The following CSMD1 variants were observed in gnomAD, a reference collection of about 807,000 sequenced individuals.
The protein encoded by CSMD1 is CUB and Sushi multiple domains 1.
In CSMD1, 213 loss-of-function variants were observed where a neutral mutation model predicts 417.5. That is an observed-to-expected ratio of 0.51 (90% CI 0.46 to 0.57). The LOEUF (loss-of-function observed/expected upper bound fraction) is 0.57, where lower values mean the gene tolerates loss of function less well. Among genes scored for constraint, CSMD1 ranks in the 20% least tolerant of loss-of-function variants. The pLI, the probability that CSMD1 is intolerant of heterozygous loss-of-function variation, is 0.00. For missense variants in CSMD1, 6,923 were observed against 4,529.7 expected (o/e 1.53, Z -15.17); for synonymous variants, 2,862 against 1,736.8 (o/e 1.65, Z -16.11).
intron 1 of CSMD1, among the ~76,000 whole-genome samples, chr8:4,731,590 G>A (rs940260360): frequency 2.0e-5 from 3 of 152,102 alleles, no homozygotes; most frequent in African/African-American, 7.2e-5. Context: ...GGAGTGTGAG[G>A]AATAAAACTG....
chr8:2,963,394 G>T lies in CSMD1; in HGVS notation c.9282C>A (p.Ala3094=). Residue 3094 remains alanine (A), a splice_region_variant and synonymous_variant, in exon 60 of 70, where the codon GCC becomes GCA. Coordinates refer to ENST00000635120, the MANE Select transcript of CSMD1 (RefSeq NM_033225.6). ...CCGGCGGCGGCTGAGGACACAGCAC[G>T]GCTATTTCCAAAGAACAAACAAGAT... ...RWNPSKPVCK[A]VLCPQPPPVQ... is the part of the protein sequence containing the mutation. 1 of 1,613,286 alleles carries T rather than the reference G, an allele frequency of 6.2e-7. No individual in the cohort carries two copies. The highest frequency in any genetic ancestry group is 8.5e-7 in the Non-Finnish European group (1 of 1,179,360).
chr8:3,190,935 G>C (rs1248250562), intron 33 of CSMD1, among the ~76,000 whole-genome samples: 2 of 152,314 alleles, frequency 1.3e-5, no homozygotes, highest in Admixed American at 6.5e-5. Context: ...TAGAACCAGA[G>C]AGATTTACAA....
chr8:4,395,555 A>T (rs147075117), intron 3 of CSMD1, among the ~76,000 whole-genome samples: 37 of 152,080 alleles, frequency 2.4e-4, no homozygotes, highest in African/African-American at 8.7e-4. Flanking sequence ...TCGTGGAGCT[A>T]TAACTATCTG....
intron 3 of CSMD1, among the ~76,000 whole-genome samples, chr8:4,385,911 A>G (rs778639767): frequency 6.6e-6 from 1 of 152,216 alleles, no homozygotes; most frequent in African/African-American, 2.4e-5. Context: ...CCAGTTCTCC[A>G]GGAATTCCAG....
intron 39 of CSMD1, among the ~76,000 whole-genome samples, chr8:3,157,149 G>C (rs1392821177): frequency 6.6e-6 from 1 of 152,122 alleles, no homozygotes; most frequent in African/African-American, 2.4e-5. Flanking sequence ...GTACCTGCAA[G>C]GTTGAATGGT....
At chr8:3,918,288 C>A (rs1197643628) in intron 5 of CSMD1, among the ~76,000 whole-genome samples, 1 of 151,964 alleles carries the variant, frequency 6.6e-6, no homozygotes, top group Admixed American at 6.6e-5. Flanking sequence ...AAACTCTTTT[C>A]ATAAGGACTG....
chr8:3,985,357 T>C (rs908100273), intron 5 of CSMD1, among the ~76,000 whole-genome samples: 3 of 152,212 alleles, frequency 2.0e-5, no homozygotes, highest in Non-Finnish European at 2.9e-5. Context: ...GATTGCATTG[T>C]TTTGTTTTCC....
chr8:4,806,301 A>C (rs1352457870), intron 1 of CSMD1, among the ~76,000 whole-genome samples: 1 of 152,138 alleles, frequency 6.6e-6, no homozygotes, highest in Non-Finnish European at 1.5e-5. Flanking sequence ...CACCCTAGGA[A>C]GGTGGCCTAG....
Position 4,740,043 on chromosome 8 carries a change from C to G in CSMD1, c.86-102485G>C, listed in dbSNP as rs192159831. Among the ~76,000 whole-genome samples, 892 of 152,156 alleles carry G rather than the reference C, an allele frequency of 5.9e-3. 12 individuals are homozygous for G. Among genetic ancestry groups the G allele is most frequent in the African/African-American group, 0.02 (847 of 41,524 alleles). On this transcript the variant is annotated intron_variant, in intron 1 of 69. Coordinates refer to ENST00000635120, the MANE Select transcript of CSMD1 (RefSeq NM_033225.6). Reference sequence around the variant, plus strand: ...TCAGCATCCTGGCAGAGGAATGCCACAGCTCTGGGAATGATCTCTGAGAAC... The same window carrying G: ...TCAGCATCCTGGCAGAGGAATGCCAGAGCTCTGGGAATGATCTCTGAGAAC...
intron 7 of CSMD1, among the ~76,000 whole-genome samples, chr8:3,672,376 A>G (rs1799120141): frequency 6.6e-6 from 1 of 151,788 alleles, no homozygotes. Context: ...TTTAGAACCC[A>G]CTCTTGCATT....
intron 1 of CSMD1, among the ~76,000 whole-genome samples, chr8:4,811,673 T>C (rs191992795): frequency 1.3e-3 from 201 of 152,258 alleles, no homozygotes; most frequent in Non-Finnish European, 2.6e-3. Context: ...AAATGATTTC[T>C]ATTGGCTCAT....
intron 7 of CSMD1, among the ~76,000 whole-genome samples, chr8:3,655,835 A>C (rs1798073233): frequency 1.3e-5 from 2 of 152,172 alleles, no homozygotes; most frequent in African/African-American, 4.8e-5. Context: ...ACTGATGCAA[A>C]GACTAGTTGA....
At chr8:3,411,472 G>A (rs1812696242) in intron 12 of CSMD1, among the ~76,000 whole-genome samples, 1 of 151,648 alleles carries the variant, frequency 6.6e-6, no homozygotes, top group Admixed American at 6.6e-5. Context: ...AGTCCCCAAG[G>A]TCCATTTTAT....
chr8:4,144,664 C>T (rs1455545638), intron 3 of CSMD1, among the ~76,000 whole-genome samples: 1 of 150,966 alleles, frequency 6.6e-6, no homozygotes, highest in African/African-American at 2.5e-5. Flanking sequence ...ATCAGCAGGA[C>T]CTCTATGTCC....
intron 17 of CSMD1, 73 bp from the exon 18 acceptor site, chr8:3,387,755 C>T (rs1370867423): frequency 1.7e-6 from 2 of 1,207,472 alleles, no homozygotes; most frequent in Non-Finnish European, 2.3e-6. Context: ...CCCACGCCAT[C>T]AACTACGAAA....
In CSMD1 at chr8:3,291,366, T is replaced by G. The variant is rs553343537; in HGVS notation, c.3951-7020A>C. On this transcript the variant is annotated intron_variant, in intron 25 of 69. Transcript: ENST00000635120. ...AAATAAGTTAGGGAGGATTCCCATCTTTTTCTTTTGATTGGAATAATTGAA... is the reference window on the plus strand; with the variant it reads ...AAATAAGTTAGGGAGGATTCCCATCGTTTTCTTTTGATTGGAATAATTGAA... 7.2e-5 allele frequency among the ~76,000 whole-genome samples: 11 copies of G among 152,276 alleles called. No homozygotes were observed. The South Asian group carries it at 2.3e-3, about 32-fold the overall frequency.
At chr8:3,351,026 C>T (rs982697324) in intron 21 of CSMD1, among the ~76,000 whole-genome samples, 8 of 152,214 alleles carry the variant, frequency 5.3e-5, no homozygotes, top group Non-Finnish European at 1.2e-4. Context: ...ACTCACCATC[C>T]TTCTAGCACT....
At chr8:3,294,257 C>T (rs952321753) in intron 25 of CSMD1, among the ~76,000 whole-genome samples, 4 of 152,130 alleles carry the variant, frequency 2.6e-5, no homozygotes, top group Non-Finnish European at 5.9e-5. Context: ...CCCAGTTAGG[C>T]TACTCAGGGG....
At chr8:4,370,957 C>A (rs190084829) in intron 3 of CSMD1, among the ~76,000 whole-genome samples, 9 of 152,306 alleles carry the variant, frequency 5.9e-5, no homozygotes, top group Non-Finnish European at 1.3e-4. Flanking sequence ...GAATCCATTG[C>A]TGGCGAGCTA....
Sources: gnomAD v4.1 joint callset for allele counts (sites outside exome capture counted in the v4.1 genomes callset) on GRCh38, gnomAD v4.1.1 for gene constraint, MANE v1.5 for transcripts, NCBI Gene and HGNC (gene_info 2026-07-23, HGNC 2026-07-21) for gene names.